The following ESR1 variants were observed in gnomAD, a reference collection of about 807,000 sequenced individuals.
The protein encoded by ESR1 is estrogen receptor.
Under a neutral mutation model 52.7 loss-of-function variants are expected in ESR1, and 12 were observed. That is an observed-to-expected ratio of 0.23 (90% CI 0.15 to 0.37). The LOEUF (loss-of-function observed/expected upper bound fraction) is 0.37. Ranked by LOEUF, ESR1 falls within the 10% of genes least tolerant of loss-of-function variation. ESR1 has a pLI of 1.00. For synonymous variants in ESR1, 305 were observed against 316.8 expected, an observed-to-expected ratio of 0.96 and a Z score of 0.39; for missense variants, 584 against 779.7, an observed-to-expected ratio of 0.75 and a Z score of 2.99.
intron 5 of ESR1, among the ~76,000 whole-genome samples, chr6:152,030,400 G>A (rs956271964): frequency 2.7e-4 from 41 of 152,074 alleles, no homozygotes; most frequent in African/African-American, 8.7e-4. Flanking sequence ...CCCATCTCAC[G>A]TGCAGAGACA....
intron 4 of ESR1, among the ~76,000 whole-genome samples, chr6:151,977,442 A>AG (rs71017516): frequency 1.2e-4 from 1 of 8,012 alleles, no homozygotes; most frequent in East Asian, 7.9e-4. Context: ...TGTGTAGTGC[A>AG]AAAAAAAAAA....
At chr6:152,121,768 C>CT (rs71660056) in intron 6 of ESR1, 23 of 150,862 alleles carry the variant, frequency 1.5e-4, no homozygotes, top group South Asian at 1.3e-3. Context: ...ACATAAATAT[C>CT]TTTTTTTTTT....
chr6:151,853,077 C>T (rs981723575), intron 2 of ESR1, among the ~76,000 whole-genome samples: 29 of 136,664 alleles, frequency 2.1e-4, no homozygotes, highest in African/African-American at 7.9e-4. Context: ...GAGGTGGAGG[C>T]AGGAGAATGG....
At chr6:151,731,911 G>C (rs2128041279) in intron 2 of ESR1, among the ~76,000 whole-genome samples, 1 of 152,254 alleles carries the variant, frequency 6.6e-6, no homozygotes, top group East Asian at 1.9e-4. Flanking sequence ...AGAAGAAAGT[G>C]CTAGCCATAA....
chr6:151,723,638 G>A (rs1433780632), intron 2 of ESR1, among the ~76,000 whole-genome samples: 1 of 152,200 alleles, frequency 6.6e-6, no homozygotes, highest in Non-Finnish European at 1.5e-5. Context: ...GGAGGCCGAG[G>A]TGGTCGGATC....
At chr6:151,664,764 T>C (rs1456246211) in intron 1 of ESR1, among the ~76,000 whole-genome samples, 3 of 152,244 alleles carry the variant, frequency 2.0e-5, no homozygotes, top group African/African-American at 7.2e-5. Flanking sequence ...CAGCATTCGA[T>C]GTTTTAGCTG....
At chr6:151,762,022 AC>A (rs1411679821) in intron 2 of ESR1, among the ~76,000 whole-genome samples, 1 of 152,118 alleles carries the variant, frequency 6.6e-6, no homozygotes, top group African/African-American at 2.4e-5. Flanking sequence ...GCACATCAGA[AC>A]CCTCTGGGGA....
chr6:151,820,412 C>T (rs1780373022), intron 1 of ESR1, among the ~76,000 whole-genome samples: 1 of 152,150 alleles, frequency 6.6e-6, no homozygotes, highest in Admixed American at 6.5e-5. Context: ...TTGCCGAAAA[C>T]CTTAATGATC....
chr6:151,876,901 C>T (rs1038948371), intron 2 of ESR1, among the ~76,000 whole-genome samples: 3 of 151,832 alleles, frequency 2.0e-5, no homozygotes, highest in South Asian at 2.1e-4. Context: ...TTGGTTCATC[C>T]GGGCCTGCAC....
intron 3 of ESR1, chr6:151,936,169 G>C (rs781769560): frequency 6.6e-6 from 1 of 152,222 alleles, no homozygotes; most frequent in Admixed American, 6.5e-5. Context: ...ATCTGTATCA[G>C]AGAGCATCAT....
intron 3 of ESR1, among the ~76,000 whole-genome samples, chr6:151,915,225 AAG>A (rs1282418041): frequency 2.0e-5 from 3 of 151,946 alleles, no homozygotes; most frequent in African/African-American, 7.2e-5. Context: ...AAAAACAAAA[AAG>A]AGGGGTGAAA....
intron 1 of ESR1, among the ~76,000 whole-genome samples, chr6:151,819,405 C>A (rs543973688): frequency 2.0e-5 from 3 of 152,174 alleles, no homozygotes; most frequent in Non-Finnish European, 4.4e-5. Context: ...AGGAGGTGAG[C>A]AGTGGGCATG....
At chr6:151,802,710 C>A (rs979929410), upstream of ESR1, among the ~76,000 whole-genome samples, 1 of 152,124 alleles carries the variant, frequency 6.6e-6, no homozygotes, top group Non-Finnish European at 1.5e-5. Flanking sequence ...TTTGAAAGAC[C>A]GGGCGTGATG....
Position 151,867,652 on chromosome 6 carries a change from G to T in ESR1, c.644-13003G>T, listed in dbSNP as rs538904005. On this transcript the variant is annotated intron_variant, in intron 2 of 7. Transcript: ENST00000206249. Reference sequence around the variant, plus strand: ...ATCATTAAGAAGTCAGGAAACAACAGATGCTAGAGAGGATGTGGGGAAATA... The same window carrying T: ...ATCATTAAGAAGTCAGGAAACAACATATGCTAGAGAGGATGTGGGGAAATA... 3.3e-5 allele frequency among the ~76,000 whole-genome samples: 5 copies of T among 152,318 alleles called. No individual in the cohort carries two copies. The South Asian group carries it at 8.3e-4, about 25-fold the overall frequency.
chr6:151,938,413 T>G (rs2034632992), intron 3 of ESR1, among the ~76,000 whole-genome samples: 1 of 152,162 alleles, frequency 6.6e-6, no homozygotes, highest in Non-Finnish European at 1.5e-5. Flanking sequence ...TGTGAAGTAA[T>G]TAGAGGTAGT....
intron 4 of ESR1, among the ~76,000 whole-genome samples, chr6:151,999,104 T>C (rs949811419): frequency 6.6e-6 from 1 of 152,094 alleles, no homozygotes; most frequent in African/African-American, 2.4e-5. Flanking sequence ...GAAAGCTTCA[T>C]ACCTCAGGCA....
chr6:151,936,096 G>C (rs1307358804), intron 3 of ESR1: 1 of 152,230 alleles, frequency 6.6e-6, no homozygotes, highest in Non-Finnish European at 1.5e-5. Flanking sequence ...CATCGGGACT[G>C]TGCTGTCCTC....
intron 2 of ESR1, among the ~76,000 whole-genome samples, chr6:151,739,111 G>A (rs917694131): frequency 6.6e-6 from 1 of 152,136 alleles, no homozygotes; most frequent in Non-Finnish European, 1.5e-5. Flanking sequence ...ATAAGAAGGG[G>A]CTTCACTAAG....
intron 3 of ESR1, among the ~76,000 whole-genome samples, chr6:151,919,044 T>A (rs992195920): frequency 6.6e-6 from 1 of 152,220 alleles, no homozygotes; most frequent in Non-Finnish European, 1.5e-5. Flanking sequence ...ATATTTTAAA[T>A]ATATCAAAGT....
Sources: gnomAD v4.1 joint callset for allele counts (sites outside exome capture counted in the v4.1 genomes callset) on GRCh38, gnomAD v4.1.1 for gene constraint, MANE v1.5 for transcripts, NCBI Gene and HGNC (gene_info 2026-07-23, HGNC 2026-07-21) for gene names.